ATF6: variants seen among roughly 807,000 people sequenced by gnomAD.
ATF6 encodes activating transcription factor 6.
In ATF6, 53 loss-of-function variants were observed where a neutral mutation model predicts 83.6. The observed-to-expected ratio is 0.63, with a 90% confidence interval of 0.51 to 0.80. The LOEUF is 0.80. Ranked by LOEUF, ATF6 falls within the 30% of genes least tolerant of loss-of-function variation. ATF6 has a pLI of 0.00. For missense variants in ATF6, 744 were observed against 797.9 expected (o/e 0.93, Z 0.81); for synonymous variants, 288 against 285.8 (o/e 1.01, Z -0.08).
chr1:161,940,487 C>T (rs1412532650), intron 15 of ATF6, among the ~76,000 whole-genome samples: 1 of 151,630 alleles, frequency 6.6e-6, no homozygotes, highest in Non-Finnish European at 1.5e-5. Flanking sequence ...AATGCTTATC[C>T]CTCTGTAGAA....
intron 12 of ATF6, among the ~76,000 whole-genome samples, chr1:161,857,600 A>G (rs1439527950): frequency 2.0e-5 from 3 of 152,216 alleles, no homozygotes; most frequent in Admixed American, 2.0e-4. Context: ...ATGATACCAG[A>G]TAGAACCCCA....
At chr1:161,950,504 G>A (rs1368533494) in intron 15 of ATF6, among the ~76,000 whole-genome samples, 1 of 152,156 alleles carries the variant, frequency 6.6e-6, no homozygotes, top group African/African-American at 2.4e-5. Flanking sequence ...CTGAACATTG[G>A]TTTAGTTTTT....
At chr1:161,815,881 A>G (rs937987722) in intron 7 of ATF6, among the ~76,000 whole-genome samples, 4 of 152,210 alleles carry the variant, frequency 2.6e-5, no homozygotes, top group East Asian at 1.9e-4. Flanking sequence ...TTGAGGCTGC[A>G]GTAAGCTGCA....
intron 7 of ATF6, among the ~76,000 whole-genome samples, chr1:161,817,592 T>G (rs1366896678): frequency 6.6e-6 from 1 of 152,146 alleles, no homozygotes; most frequent in Non-Finnish European, 1.5e-5. Flanking sequence ...TTCAGGGAAA[T>G]TTTTACAGAT....
rs575243520 is a variant in ATF6 at position 161,829,301 on chromosome 1, G to A, written c.1187+8140G>A. 5.8e-4 allele frequency among the ~76,000 whole-genome samples: 85 copies of A among 146,380 alleles called. 1 individual carries two copies. The highest frequency in any genetic ancestry group is 3.7e-3 in the Middle Eastern group (1 of 270). Reference sequence around the variant, plus strand: ...TGCAAGCTCCGCCTCCCGGGTTCATGCATAATGGGAGACTTTAACACCCCA... The same window carrying A: ...TGCAAGCTCCGCCTCCCGGGTTCATACATAATGGGAGACTTTAACACCCCA... On this transcript the variant is annotated intron_variant, in intron 9 of 15. Transcript: ENST00000367942.
intron 7 of ATF6, among the ~76,000 whole-genome samples, chr1:161,810,581 TG>T (rs1685431894): frequency 6.6e-6 from 1 of 152,046 alleles, no homozygotes; most frequent in Non-Finnish European, 1.5e-5. Context: ...TGCATTTGTC[TG>T]GGGAGTCCAT....
At chr1:161,871,698 A>G (rs1687127493) in intron 14 of ATF6, among the ~76,000 whole-genome samples, 1 of 151,588 alleles carries the variant, frequency 6.6e-6, no homozygotes. Context: ...TTCTAGCCCC[A>G]ATGTTGCCAC....
At chr1:161,772,396 T>A (rs1684405880) in intron 1 of ATF6, among the ~76,000 whole-genome samples, 1 of 152,222 alleles carries the variant, frequency 6.6e-6, no homozygotes, top group Admixed American at 6.5e-5. Context: ...CCTCTCACTG[T>A]CCCATTCTGA....
At chr1:161,802,010 T>A in intron 6 of ATF6, 42 bp from the exon 7 acceptor site, 5 of 1,594,644 alleles carry the variant, frequency 3.1e-6, no homozygotes, top group Non-Finnish European at 4.3e-6. Flanking sequence ...CCTGCCACAG[T>A]AGTTGTGTAC....
chr1:161,952,185 A>G (rs1365002316), intron 15 of ATF6, among the ~76,000 whole-genome samples: 1 of 151,968 alleles, frequency 6.6e-6, no homozygotes, highest in African/African-American at 2.4e-5. Context: ...TCTCTTTTCT[A>G]CATATAAGTC....
chr1:161,849,404 C>T (rs945714968), intron 10 of ATF6, among the ~76,000 whole-genome samples: 2 of 152,138 alleles, frequency 1.3e-5, no homozygotes, highest in African/African-American at 2.4e-5. Flanking sequence ...TCTTTTCTCT[C>T]GTGTGTGGCA....
At chr1:161,927,070 G>A (rs1261814572) in intron 15 of ATF6, among the ~76,000 whole-genome samples, 1 of 151,986 alleles carries the variant, frequency 6.6e-6, no homozygotes, top group Non-Finnish European at 1.5e-5. Context: ...TGTGATTCAT[G>A]CCTTCAGAGA....
intron 14 of ATF6, 138 bp downstream of exon 14, chr1:161,863,450 C>A: frequency 1.7e-6 from 1 of 594,470 alleles, no homozygotes; most frequent in Non-Finnish European, 3.1e-6. Flanking sequence ...GTGGAACAGT[C>A]TAAGTACTGT....
intron 7 of ATF6, among the ~76,000 whole-genome samples, chr1:161,814,615 G>A (rs4657109): frequency 0.14 from 21,600 of 152,198 alleles, 2,098 homozygotes; most frequent in East Asian, 0.31. Flanking sequence ...GCAAATGGGA[G>A]CTGGTTATAT....
chr1:161,887,147 C>T (rs2101864867), intron 14 of ATF6, among the ~76,000 whole-genome samples: 1 of 152,068 alleles, frequency 6.6e-6, no homozygotes, highest in South Asian at 2.1e-4. Flanking sequence ...TCTCAGCTCA[C>T]TGCAACCTCC....
chr1:161,812,784 CTGTGTGTGTGTG>C (rs4040222), intron 7 of ATF6, among the ~76,000 whole-genome samples: 1 of 145,328 alleles, frequency 6.9e-6, no homozygotes, highest in East Asian at 2.0e-4. Context: ...TTTGCCTCCT[CTGTGTGTGTGTG>C]TGTGTGTGTG....
At chr1:161,875,786 A>G (rs968162953) in intron 14 of ATF6, among the ~76,000 whole-genome samples, 6 of 151,888 alleles carry the variant, frequency 4.0e-5, no homozygotes, top group Non-Finnish European at 8.8e-5. Flanking sequence ...TCCTCTAGAC[A>G]ACAATTGTAC....
chr1:161,855,171 A>G (rs1470246846), intron 12 of ATF6, among the ~76,000 whole-genome samples: 1 of 152,176 alleles, frequency 6.6e-6, no homozygotes, highest in Non-Finnish European at 1.5e-5. Flanking sequence ...TGCTACATAA[A>G]GTGGACCATG....
chr1:161,861,175 G>A (rs1281998545), intron 13 of ATF6, among the ~76,000 whole-genome samples: 1 of 152,164 alleles, frequency 6.6e-6, no homozygotes, highest in African/African-American at 2.4e-5. Flanking sequence ...TATCACTGAA[G>A]TGAAATTTGA....
Sources: gnomAD v4.1 joint callset for allele counts (sites outside exome capture counted in the v4.1 genomes callset) on GRCh38, gnomAD v4.1.1 for gene constraint, MANE v1.5 for transcripts, NCBI Gene and HGNC (gene_info 2026-07-23, HGNC 2026-07-21) for gene names.